Variants in GALNT13 observed in about 807,000 individuals in gnomAD.
GALNT13 encodes UDP-GalNAc:polypeptide N-acetylgalactosaminyltransferase 13.
Under a neutral mutation model 64.2 loss-of-function variants are expected in GALNT13, and 28 were observed. The observed-to-expected ratio is 0.44, with a 90% CI of 0.32 to 0.60. GALNT13 has a LOEUF of 0.60. GALNT13 is among the 20% of genes least tolerant of loss of function. The pLI, the probability that GALNT13 is intolerant of heterozygous loss-of-function variation, is 0.05. For missense variants in GALNT13, 577 were observed against 669.8 expected (o/e 0.86, Z 1.53); for synonymous variants, 214 against 224.6 (o/e 0.95, Z 0.42).
intron 10 of GALNT13, among the ~76,000 whole-genome samples, chr2:154,405,910 T>C (rs570800963): frequency 1.3e-5 from 2 of 151,972 alleles, no homozygotes; most frequent in Non-Finnish European, 2.9e-5. Flanking sequence ...TTGTAAGAAT[T>C]AAGAGGGGGA....
At chr2:153,137,623 A>G in the GALNT13 span, among the ~76,000 whole-genome samples, 28 of 151,682 alleles carry the variant, frequency 1.8e-4, no homozygotes, top group Non-Finnish European at 2.9e-4. Flanking sequence ...CCTGAAACTC[A>G]TTTTCCAAAC....
chr2:153,145,104 T>C, the GALNT13 span, among the ~76,000 whole-genome samples: 3 of 151,900 alleles, frequency 2.0e-5, no homozygotes, highest in African/African-American at 7.2e-5. Context: ...GTGAAAGGCA[T>C]GGTTTTATTC....
At chr2:154,053,790 G>A (rs749748960) in intron 3 of GALNT13, among the ~76,000 whole-genome samples, 1 of 152,128 alleles carries the variant, frequency 6.6e-6, no homozygotes, top group African/African-American at 2.4e-5. Flanking sequence ...TGGGTGAAAG[G>A]CCAGGACTGA....
At chr2:153,774,391 A>C in the GALNT13 span, among the ~76,000 whole-genome samples, 1 of 152,166 alleles carries the variant, frequency 6.6e-6, no homozygotes, top group Middle Eastern at 3.2e-3. Context: ...TAATAGGAGA[A>C]GATGGCATTG....
chr2:153,472,840 C>T, the GALNT13 span, among the ~76,000 whole-genome samples: 87 of 152,192 alleles, frequency 5.7e-4, no homozygotes, highest in African/African-American at 1.9e-3. Flanking sequence ...TAGATGCAAG[C>T]CACTGTTTGC....
At chr2:153,637,228 G>A in the GALNT13 span, among the ~76,000 whole-genome samples, 1 of 152,140 alleles carries the variant, frequency 6.6e-6, no homozygotes, top group East Asian at 1.9e-4. Flanking sequence ...GTATCTATAT[G>A]ATGTATTAAT....
At chr2:154,154,863 A>C (rs569399676) in intron 4 of GALNT13, among the ~76,000 whole-genome samples, 1 of 151,808 alleles carries the variant, frequency 6.6e-6, no homozygotes, top group East Asian at 1.9e-4. Flanking sequence ...GATATAAGGG[A>C]AGTCAAAATA....
the GALNT13 span, among the ~76,000 whole-genome samples, chr2:153,583,705 T>G: frequency 2.0e-5 from 3 of 152,162 alleles, no homozygotes; most frequent in African/African-American, 7.2e-5. Context: ...ATGCCCCTTT[T>G]GAGACCCCAG....
intron 8 of GALNT13, among the ~76,000 whole-genome samples, chr2:154,277,000 C>G (rs1246976303): frequency 1.3e-5 from 2 of 152,158 alleles, no homozygotes; most frequent in Admixed American, 6.5e-5. Flanking sequence ...ATTACCCAGT[C>G]TTGGGCATGT....
At chr2:153,164,224 T>A in the GALNT13 span, among the ~76,000 whole-genome samples, 1 of 152,142 alleles carries the variant, frequency 6.6e-6, no homozygotes, top group Non-Finnish European at 1.5e-5. Flanking sequence ...ACATTTCTAC[T>A]CCATAGTCCA....
At chr2:153,937,377 G>T (rs1429450706) in intron 2 of GALNT13, among the ~76,000 whole-genome samples, 2 of 152,162 alleles carry the variant, frequency 1.3e-5, no homozygotes, top group African/African-American at 4.8e-5. Context: ...AGAGAAGACA[G>T]TCATGAAGGC....
At chr2:154,269,926 T>TTTATATATATGTGTATATATA (rs1553506260) in intron 8 of GALNT13, among the ~76,000 whole-genome samples, 1 of 33,340 alleles carries the variant, frequency 3.0e-5, no homozygotes, top group African/African-American at 7.9e-5. Flanking sequence ...ATATATATAT[T>TTTATATATATGTGTATATATA]TCTAAAGCAC....
At chr2:153,206,623 G>A in the GALNT13 span, among the ~76,000 whole-genome samples, 30 of 152,016 alleles carry the variant, frequency 2.0e-4, no homozygotes, top group African/African-American at 7.0e-4. Flanking sequence ...TGTAACTGAA[G>A]AGTTCATTAG....
At chr2:153,478,334 A>C in the GALNT13 span, 37 of 1,614,062 alleles carry the variant, frequency 2.3e-5, no homozygotes, top group African/African-American at 2.7e-5. Flanking sequence ...AGCAGATTGC[A>C]GCCGAGGAAG....
intron 4 of GALNT13, among the ~76,000 whole-genome samples, chr2:154,173,257 G>T (rs1372606103): frequency 6.6e-6 from 1 of 151,516 alleles, no homozygotes; most frequent in Non-Finnish European, 1.5e-5. Context: ...AATTGTGCTG[G>T]GGAAACTGGA....
intron 1 of GALNT13, among the ~76,000 whole-genome samples, chr2:153,879,095 C>T (rs1001447426): frequency 5.9e-5 from 9 of 152,210 alleles, no homozygotes; most frequent in Non-Finnish European, 1.3e-4. Context: ...ACATTTCAAG[C>T]AACTAATCTG....
the GALNT13 span, among the ~76,000 whole-genome samples, chr2:153,121,058 G>A: frequency 6.6e-6 from 1 of 152,102 alleles, no homozygotes; most frequent in Non-Finnish European, 1.5e-5. Flanking sequence ...AAAATACTGG[G>A]CCTCATCAGG....
chr2:154,241,918 C>T (rs1191142505), intron 4 of GALNT13, 112 bp from the exon 5 acceptor site: 12 of 554,816 alleles, frequency 2.2e-5, no homozygotes, highest in Non-Finnish European at 3.6e-5. Context: ...TAAAACATTT[C>T]CTTAGTAAGG....
At chr2:153,575,483 G>C in the GALNT13 span, among the ~76,000 whole-genome samples, 5 of 152,146 alleles carry the variant, frequency 3.3e-5, no homozygotes. Context: ...GTCCCATGTG[G>C]GTCCAGAGGT....
Sources: gnomAD v4.1 joint callset for allele counts (sites outside exome capture counted in the v4.1 genomes callset) on GRCh38, gnomAD v4.1.1 for gene constraint, MANE v1.5 for transcripts, NCBI Gene and HGNC (gene_info 2026-07-23, HGNC 2026-07-21) for gene names.